Variants in KIF3B observed in about 807,000 individuals in gnomAD.
The protein encoded by KIF3B is kinesin family member 3B.
In KIF3B, 38 loss-of-function variants were observed where a neutral mutation model predicts 74.3. The observed-to-expected ratio is 0.51, with a 90% CI of 0.39 to 0.67. KIF3B has a LOEUF of 0.67. KIF3B is among the 30% of genes least tolerant of loss of function. The pLI is 0.00. For missense variants in KIF3B, 649 were observed against 932.0 expected (o/e 0.70, Z 3.95); for synonymous variants, 326 against 342.5 (o/e 0.95, Z 0.53).
rs73241219 is a variant in KIF3B at position 32,323,408 on chromosome 20, T to C, written c.1749-3363T>C. Among the ~76,000 whole-genome samples the C allele has an allele frequency of 9.8e-3, 1,483 of 151,482 alleles. 20 individuals carry two copies. Among genetic ancestry groups the C allele is most frequent in the African/African-American group, 0.034 (1,406 of 41,270 alleles). ...TTCTTTTTATTTTTTATTTTATTTA[T>C]TTGTTTATTTGAGACAGAGTCTCAC... On this transcript the variant is annotated intron_variant, in intron 5 of 8. Transcript: ENST00000375712.
At chr20:32,287,718 T>C (rs1302116036) in intron 1 of KIF3B, among the ~76,000 whole-genome samples, 2 of 152,180 alleles carry the variant, frequency 1.3e-5, no homozygotes, top group Admixed American at 1.3e-4. Context: ...TTCCACCTTT[T>C]TATAATCACA....
At chr20:32,312,963 C>A (rs1030117807) in intron 2 of KIF3B, among the ~76,000 whole-genome samples, 1 of 152,118 alleles carries the variant, frequency 6.6e-6, no homozygotes, top group Admixed American at 6.6e-5. Context: ...TATAGTATAG[C>A]CTCTCAGTGC....
chr20:32,299,615 T>C (rs569530866), intron 1 of KIF3B, among the ~76,000 whole-genome samples: 1 of 151,520 alleles, frequency 6.6e-6, no homozygotes, highest in African/African-American at 2.4e-5. Context: ...TTTCGCCATG[T>C]TGGCCAGGGT....
At chr20:32,316,726 C>G (rs1391234668) in intron 4 of KIF3B, 30 bp from the exon 5 acceptor site, 1 of 1,612,750 alleles carries the variant, frequency 6.2e-7, no homozygotes, top group Admixed American at 1.7e-5. Context: ...GGACAGACAC[C>G]CTCCTCACCT....
chr20:32,325,618 A>G (rs891836958), intron 5 of KIF3B, among the ~76,000 whole-genome samples: 4 of 144,784 alleles, frequency 2.8e-5, no homozygotes, highest in Non-Finnish European at 6.0e-5. Context: ...TTTTTTTTCT[A>G]AGGAGTCTAT....
At position 32,291,538 on chromosome 20, in the gene KIF3B, A is replaced by C. The variant is rs1569190062; in HGVS notation, c.-66+13773A>C. ...GGATAAGAACTTTCTTTTTAAAATA[A>C]TAACATTTTTTTACACGTAAAAATA... On this transcript the variant is annotated intron_variant, in intron 1 of 8. Coordinates refer to ENST00000375712, the MANE Select transcript of KIF3B (RefSeq NM_004798.4). Among the ~76,000 whole-genome samples, 4 of 152,084 alleles carry C rather than the reference A, an allele frequency of 2.6e-5. No homozygotes were observed. The South Asian group carries it at 8.3e-4, about 32-fold the overall frequency.
intron 1 of KIF3B, among the ~76,000 whole-genome samples, chr20:32,309,367 G>A (rs1306714400): frequency 6.6e-6 from 1 of 151,656 alleles, no homozygotes; most frequent in Non-Finnish European, 1.5e-5. Flanking sequence ...GGATCTTGCT[G>A]TGTTGCCCAA....
At chr20:32,278,940 T>G (rs2047628912) in intron 1 of KIF3B, among the ~76,000 whole-genome samples, 1 of 150,168 alleles carries the variant, frequency 6.7e-6, no homozygotes, top group Admixed American at 6.6e-5. Context: ...TTTTTTTTTT[T>G]TGAGACAGAG....
At chr20:32,325,401 G>T (rs1204406553) in intron 5 of KIF3B, among the ~76,000 whole-genome samples, 4 of 151,988 alleles carry the variant, frequency 2.6e-5, no homozygotes, top group Non-Finnish European at 4.4e-5. Context: ...TGTTTATCAG[G>T]CTGGTCTCGA....
intron 1 of KIF3B, among the ~76,000 whole-genome samples, chr20:32,304,594 G>A (rs952419148): frequency 2.0e-5 from 3 of 152,176 alleles, no homozygotes; most frequent in African/African-American, 4.8e-5. Flanking sequence ...GTATGATGCT[G>A]CTGTTGCAGA....
intron 1 of KIF3B, among the ~76,000 whole-genome samples, chr20:32,294,864 C>T (rs544452461): frequency 1.3e-5 from 2 of 152,258 alleles, no homozygotes; most frequent in South Asian, 2.1e-4. Context: ...TGTTTAGTAG[C>T]CTTTTTCTTC....
At chr20:32,283,718 G>T (rs1489030591) in intron 1 of KIF3B, among the ~76,000 whole-genome samples, 1 of 151,804 alleles carries the variant, frequency 6.6e-6, no homozygotes, top group Non-Finnish European at 1.5e-5. Context: ...GCTGAGGCGG[G>T]AGAATCGCTT....
Position 32,277,673 on chromosome 20 carries a change from A to C in KIF3B, c.-158A>C, listed in dbSNP as rs1333130910. The C allele has an allele frequency of 4.1e-6, 1 of 244,078 alleles. No individual in the cohort carries two copies. The highest frequency in any genetic ancestry group is 7.6e-6 in the Non-Finnish European group (1 of 132,390). 15.1% of individuals were successfully genotyped at this position (244,078 alleles called of 1,614,324 possible). ...GCCACTGTCTCTCCCCATCCGGGGC[A>C]GCGGGGAATGGCTGAGCCAGGGGTT... is the stretch of plus-strand genomic sequence containing the variant. On this transcript the variant is annotated 5_prime_UTR_variant, in exon 1 of 9. Coordinates refer to ENST00000375712, the MANE Select transcript of KIF3B (RefSeq NM_004798.4).
intron 1 of KIF3B, among the ~76,000 whole-genome samples, chr20:32,297,140 T>C (rs965695376): frequency 2.0e-5 from 3 of 152,160 alleles, no homozygotes; most frequent in African/African-American, 7.2e-5. Flanking sequence ...ATGGCTCATG[T>C]GATCTTTGGC....
rs371885237 is a variant in KIF3B, at chr20:32,279,429, T to C, written c.-66+1664T>C. On this transcript the variant is annotated intron_variant, in intron 1 of 8. Transcript: ENST00000375712. ...TCAGGTAAAGCTTTATTTAAATAGATACCACCCAAAGTGAGGATCTCAGAA... is the reference window on the plus strand; with the variant it reads ...TCAGGTAAAGCTTTATTTAAATAGACACCACCCAAAGTGAGGATCTCAGAA... 1.3e-4 allele frequency among the ~76,000 whole-genome samples: 19 copies of C among 151,606 alleles called. No individual in the cohort carries two copies. The East Asian group carries it at 3.3e-3, about 26-fold the overall frequency.
intron 1 of KIF3B, among the ~76,000 whole-genome samples, chr20:32,289,496 G>A (rs954638495): frequency 2.6e-5 from 4 of 152,094 alleles, no homozygotes; most frequent in Middle Eastern, 3.2e-3. Context: ...TCGGCCACTA[G>A]TCTATTTCTT....
intron 6 of KIF3B, 120 bp from the exon 7 acceptor site, chr20:32,327,436 C>T (rs984649493): frequency 5.2e-5 from 36 of 698,358 alleles, no homozygotes; most frequent in East Asian, 1.1e-4. Flanking sequence ...AAGCATTTCC[C>T]GTCCCACTTA....
intron 5 of KIF3B, among the ~76,000 whole-genome samples, chr20:32,322,770 A>ATATATATATT (rs1309881153): frequency 9.9e-5 from 4 of 40,352 alleles, no homozygotes; most frequent in Admixed American, 4.8e-4. Flanking sequence ...ATATATATTT[A>ATATATATATT]TATATATATT....
intron 1 of KIF3B, among the ~76,000 whole-genome samples, chr20:32,302,363 C>T (rs950865070): frequency 5.3e-5 from 8 of 152,120 alleles, no homozygotes; most frequent in African/African-American, 1.9e-4. Flanking sequence ...ATTAAGGGGA[C>T]TCATGCTTTG....
Sources: gnomAD v4.1 joint callset for allele counts (sites outside exome capture counted in the v4.1 genomes callset) on GRCh38, gnomAD v4.1.1 for gene constraint, MANE v1.5 for transcripts, NCBI Gene and HGNC (gene_info 2026-07-23, HGNC 2026-07-21) for gene names.